PTK7: variants seen among roughly 807,000 people sequenced by gnomAD.
PTK7 encodes the protein inactive tyrosine-protein kinase 7.
PTK7 carries 39 observed loss-of-function variants against 116.6 expected under a neutral mutation model. That is an observed-to-expected ratio of 0.33 (90% CI 0.26 to 0.44). PTK7 has a LOEUF of 0.44. PTK7 is among the 20% of genes least tolerant of loss of function. The pLI is 1.00. For missense variants in PTK7, 1,169 were observed against 1,425.6 expected (o/e 0.82, Z 2.90); for synonymous variants, 546 against 563.6 (o/e 0.97, Z 0.44).
intron 1 of PTK7, among the ~76,000 whole-genome samples, chr6:43,093,779 C>G (rs1221175361): frequency 2.0e-5 from 3 of 152,144 alleles, no homozygotes; most frequent in Non-Finnish European, 4.4e-5. Context: ...AATGAAGCAA[C>G]AGAAGAACGA....
At chr6:43,079,145 T>C (rs1007032389) in intron 1 of PTK7, among the ~76,000 whole-genome samples, 11 of 152,112 alleles carry the variant, frequency 7.2e-5, no homozygotes, top group Non-Finnish European at 1.5e-4. Context: ...CTGCAGGGAA[T>C]TGGAATAGGA....
chr6:43,107,790 G>A (rs1026555838), intron 1 of PTK7, among the ~76,000 whole-genome samples: 2 of 152,190 alleles, frequency 1.3e-5, no homozygotes, highest in Non-Finnish European at 2.9e-5. Flanking sequence ...CAAATTATCT[G>A]GCTCAGTAAA....
rs748388142 is a variant in PTK7, at chr6:43,142,193, C to A, written c.1941C>A (p.Gly647=). The A allele has an allele frequency of 6.2e-7, 1 of 1,614,178 alleles. No individual in the cohort carries two copies. The highest frequency in any genetic ancestry group is 8.5e-7 in the Non-Finnish European group (1 of 1,180,042). Residue 647 remains glycine, a synonymous_variant, in exon 13 of 20, where the codon GGC becomes GGA. Transcript: ENST00000230419. ...LGPRMHIFQN[G]SLVIHDVAPE... ...ACAGGATGCACATCTTCCAGAATGGCTCCCTGGTGATCCATGACGTGGCCC... is the reference window on the plus strand; with the variant it reads ...ACAGGATGCACATCTTCCAGAATGGATCCCTGGTGATCCATGACGTGGCCC...
chr6:43,148,185 C>T (rs1770833414), intron 17 of PTK7, among the ~76,000 whole-genome samples: 1 of 151,268 alleles, frequency 6.6e-6, no homozygotes, highest in Non-Finnish European at 1.5e-5. Context: ...CCCAGGAGGT[C>T]GAGGCTGCGG....
At chr6:43,153,264 C>G (rs1041499263) in intron 17 of PTK7, among the ~76,000 whole-genome samples, 2 of 151,954 alleles carry the variant, frequency 1.3e-5, no homozygotes, top group Non-Finnish European at 2.9e-5. Context: ...GCGCCCGCCA[C>G]CATGCCTGGC....
rs777514551 is a variant in PTK7, at chr6:43,143,523, C to T, written c.2154C>T (p.Ala718=). 1.6e-5 allele frequency: 26 copies of T among 1,613,992 alleles called. No homozygotes were observed. The highest frequency in any genetic ancestry group is 4.5e-5 in the East Asian group (2 of 44,898). Residue 718 remains alanine (A), a synonymous_variant, in exon 14 of 20, where the codon GCC becomes GCT. Coordinates refer to ENST00000230419, the MANE Select transcript of PTK7 (RefSeq NM_002821.5). The surrounding 1 kb of genome is among the most constrained non-coding windows in gnomAD (Gnocchi z 4.2). ...SVGAAVAYII[A]VLGLMFYCKK... ...GTGCCGCTGTGGCCTACATCATTGC[C>T]GTGCTGGGCCTCATGTTCTACTGCA...
chr6:43,090,228 C>T (rs959737485), intron 1 of PTK7, among the ~76,000 whole-genome samples: 1 of 152,252 alleles, frequency 6.6e-6, no homozygotes, highest in Non-Finnish European at 1.5e-5. Context: ...CCCCTTCCCA[C>T]TCTGCCTGGA....
At position 43,104,535 on chromosome 6, in the gene PTK7, T is replaced by C. The variant is rs540314574; in HGVS notation, c.80-24442T>C. On this transcript the variant is annotated intron_variant, in intron 1 of 19. Coordinates refer to ENST00000230419, the MANE Select transcript of PTK7 (RefSeq NM_002821.5). ...GAGTAATTCTCCTGCCTCAGCCTCC[T>C]GAGAAGCTGGGATTACAGGCACATG... Among the ~76,000 whole-genome samples, 35 of 152,190 alleles carry C rather than the reference T, an allele frequency of 2.3e-4. No homozygotes were observed. The South Asian group carries it at 7.3e-3, about 32-fold the overall frequency.
intron 1 of PTK7, among the ~76,000 whole-genome samples, chr6:43,095,531 C>T (rs1767204756): frequency 6.6e-6 from 1 of 152,090 alleles, no homozygotes. Context: ...GTCACTGAGG[C>T]CCAGGAAGGA....
intron 7 of PTK7, chr6:43,132,952 C>G: frequency 1.7e-6 from 1 of 583,474 alleles, no homozygotes; most frequent in East Asian, 2.8e-5. Flanking sequence ...GACTAGGAAT[C>G]TAGAGACCTG....
chr6:43,129,396 C>G lies in PTK7; in HGVS notation c.367+132C>G. 8.2e-7 allele frequency: 1 copy of G among 1,218,566 alleles called. No individual in the cohort carries two copies. The highest frequency in any genetic ancestry group is 2.8e-5 in the Admixed American group (1 of 35,328). The allele number at this position is 1,218,566 out of a possible 1,614,324, so 75.5% of individuals were successfully genotyped here. On this transcript the variant is annotated intron_variant, in intron 2 of 19. Transcript: ENST00000230419. This position sits in a 1 kb window ranked among gnomAD's most constrained non-coding sequence, Gnocchi z 4.5. Reference sequence around the variant, plus strand: ...CCAGGCAGAATGCATTTATCATCAGCTTTTTTTGCTCATGTGGATAAGAGG... The same window carrying G: ...CCAGGCAGAATGCATTTATCATCAGGTTTTTTTGCTCATGTGGATAAGAGG...
At position 43,143,703 on chromosome 6, in the gene PTK7, A is replaced by C; in HGVS notation, c.2251+83A>C. On this transcript the variant is annotated intron_variant, in intron 14 of 19. Transcript: ENST00000230419. The surrounding 1 kb of genome is among the most constrained non-coding windows in gnomAD (Gnocchi z 4.2). ...CGGCCACGGAGGGGAGAGCGCCAGC[A>C]CTCTGGAAACCGAGCGGCTGTTGCT... 6.9e-7 allele frequency: 1 copy of C among 1,439,102 alleles called. No individual in the cohort carries two copies. Among genetic ancestry groups the C allele is most frequent in the Non-Finnish European group, 9.4e-7 (1 of 1,067,568 alleles). The allele number at this position is 1,439,102 out of a possible 1,614,324, so 89.1% of individuals were successfully genotyped here.
At chr6:43,133,892 C>T (rs761921620) in intron 7 of PTK7, among the ~76,000 whole-genome samples, 3 of 152,190 alleles carry the variant, frequency 2.0e-5, no homozygotes, top group Non-Finnish European at 4.4e-5. Context: ...AAGACATGCA[C>T]CTATACTCAG....
intron 1 of PTK7, among the ~76,000 whole-genome samples, chr6:43,111,161 G>A (rs1291971270): frequency 6.6e-6 from 1 of 152,190 alleles, no homozygotes; most frequent in Non-Finnish European, 1.5e-5. Flanking sequence ...ACCCCTATTA[G>A]GAATGCAAGC....
At chr6:43,095,518 G>C (rs1013620494) in intron 1 of PTK7, among the ~76,000 whole-genome samples, 1 of 152,152 alleles carries the variant, frequency 6.6e-6, no homozygotes, top group Non-Finnish European at 1.5e-5. Flanking sequence ...TTCTTTCTGC[G>C]TTGTCACTGA....
At chr6:43,146,013 C>G (rs1188522528) in intron 16 of PTK7, 1 of 152,732 alleles carries the variant, frequency 6.5e-6, no homozygotes, top group African/African-American at 2.4e-5. Flanking sequence ...GGGCAGGAGT[C>G]CTATCAGTCT....
rs900505669 is a variant in PTK7 at position 43,128,911 on chromosome 6, T to G, written c.80-66T>G. ...AGCCCCTTTCCTCCTGTGCACAAGG[T>G]GGCCTGTGTTAGGACAGAGGCTGCA... On this transcript the variant is annotated intron_variant, in intron 1 of 19. Transcript: ENST00000230419. 1.3e-5 allele frequency: 20 copies of G among 1,486,990 alleles called. No individual in the cohort carries two copies. The African/African-American group carries it at 2.4e-4, about 18-fold the overall frequency. 92.1% of individuals were successfully genotyped at this position (1,486,990 alleles called of 1,614,324 possible).
rs555256047 is a variant in PTK7, at chr6:43,149,078, A to G, written c.2721+2380A>G. Reference sequence around the variant, plus strand: ...TTGTCTCAAAAAAAAAAAAAAAAAAAAAAGAAATGCAGGCCAGGCACAGTG... The same window carrying G: ...TTGTCTCAAAAAAAAAAAAAAAAAAGAAAGAAATGCAGGCCAGGCACAGTG... On this transcript the variant is annotated intron_variant, in intron 17 of 19. Transcript: ENST00000230419. Among the ~76,000 whole-genome samples, 232 of 142,030 alleles carry G rather than the reference A, an allele frequency of 1.6e-3. 2 individuals are homozygous for G. Among genetic ancestry groups the G allele is most frequent in the East Asian group, 0.016 (73 of 4,624 alleles). 93.2% of individuals were successfully genotyped at this position (142,030 alleles called of 152,430 possible).
chr6:43,146,209 G>A (rs1284116354), intron 16 of PTK7: 1 of 159,288 alleles, frequency 6.3e-6, no homozygotes, highest in Non-Finnish European at 1.4e-5. Flanking sequence ...AATGCTTTAT[G>A]TATGTTTCTG....
Sources: allele counts gnomAD v4.1 joint callset (sites outside exome capture counted in the v4.1 genomes callset), GRCh38; gene constraint gnomAD v4.1.1; non-coding constraint Gnocchi (gnomAD v3.1); transcripts MANE v1.5; gene names NCBI Gene and HGNC (gene_info 2026-07-23, HGNC 2026-07-21).